Variants in PRR11 observed in about 807,000 individuals in gnomAD.
PRR11 encodes proline rich 11.
In PRR11, 30 loss-of-function variants were observed where a neutral mutation model predicts 45.6. That is an observed-to-expected ratio of 0.66 (90% confidence interval 0.49 to 0.89). The LOEUF (loss-of-function observed/expected upper bound fraction) is 0.89, where lower values mean the gene tolerates loss of function less well. PRR11 is among the 40% of genes least tolerant of loss of function. PRR11 has a pLI of 0.00. For missense variants in PRR11, 373 were observed against 424.8 expected (o/e 0.88, Z 1.07); for synonymous variants, 128 against 153.5 (o/e 0.83, Z 1.23).
rs1292457048 is a variant in PRR11, at chr17:59,205,918, G to A, written c.*4287G>A. Among the ~76,000 whole-genome samples the A allele has an allele frequency of 5.9e-5, 9 of 151,876 alleles. No individual in the cohort carries two copies. Among genetic ancestry groups the A allele is most frequent in the Non-Finnish European group, 8.8e-5 (6 of 67,990 alleles). ...ATATAAAAATTATCTGGGTGTGGTG[G>A]CATGTGCCTATAGTCTCAGCTTCTC... On this transcript the variant is annotated 3_prime_UTR_variant, in exon 10 of 10. Transcript: ENST00000262293.
chr17:59,190,406 A>AGG (rs2046835442), intron 4 of PRR11, among the ~76,000 whole-genome samples: 2 of 151,672 alleles, frequency 1.3e-5, no homozygotes, highest in South Asian at 4.2e-4. Flanking sequence ...CAGGAGGTGG[A>AGG]GGTTGCAGTG....
At chr17:59,179,989 G>C in intron 2 of PRR11, 1 of 1,089,318 alleles carries the variant, frequency 9.2e-7, no homozygotes, top group South Asian at 1.3e-5. Context: ...CAGACTGCTG[G>C]CTTCTCCAAG....
intron 5 of PRR11, 52 bp from the exon 6 acceptor site, chr17:59,194,705 C>A: frequency 1.4e-6 from 2 of 1,391,998 alleles, no homozygotes; most frequent in Non-Finnish European, 2.0e-6. Flanking sequence ...ATTTGCATTT[C>A]ACCAGTTGTG....
intron 1 of PRR11, among the ~76,000 whole-genome samples, chr17:59,158,204 C>T (rs1017588530): frequency 2.6e-5 from 4 of 151,976 alleles, no homozygotes; most frequent in African/African-American, 7.3e-5. Flanking sequence ...TTCTCCAAAA[C>T]GACTGACTTG....
Position 59,206,223 on chromosome 17 carries a change from G to A in PRR11, c.*4592G>A, listed in dbSNP as rs1240166378. On this transcript the variant is annotated 3_prime_UTR_variant, in exon 10 of 10. Transcript: ENST00000262293. ...CTCTACAAAAAACGAAAAATTAGCC[G>A]GGAGCGGTGATGTGTGCCTGTAGTC... Among the ~76,000 whole-genome samples, 7 of 152,110 alleles carry A rather than the reference G, an allele frequency of 4.6e-5. No individual in the cohort carries two copies. The highest frequency in any genetic ancestry group is 1.7e-4 in the African/African-American group (7 of 41,484).
chr17:59,189,860 A>G (rs2147852143), intron 4 of PRR11, among the ~76,000 whole-genome samples: 1 of 152,190 alleles, frequency 6.6e-6, no homozygotes, highest in South Asian at 2.1e-4. Context: ...TGGTCATGGC[A>G]TACACACCTA....
At chr17:59,178,998 GATTT>G (rs555179453) in intron 2 of PRR11, among the ~76,000 whole-genome samples, 2 of 152,048 alleles carry the variant, frequency 1.3e-5, no homozygotes, top group South Asian at 2.1e-4. Flanking sequence ...GTGATTTATT[GATTT>G]ATTTATTTAT....
Position 59,201,667 on chromosome 17 carries a change from A to G in PRR11, c.*36A>G. 7 of 1,601,564 alleles carry G rather than the reference A, an allele frequency of 4.4e-6. No individual in the cohort carries two copies. The highest frequency in any genetic ancestry group is 6.0e-6 in the Non-Finnish European group (7 of 1,169,544). ...GCCTCACTCCATGAGATGATCCATA[A>G]CAAATACAGATAAAAACACCCAGCT... On this transcript the variant is annotated 3_prime_UTR_variant, in exon 10 of 10. Coordinates refer to ENST00000262293, the MANE Select transcript of PRR11 (RefSeq NM_018304.4).
intron 2 of PRR11, among the ~76,000 whole-genome samples, chr17:59,172,949 T>C (rs1209401072): frequency 3.9e-5 from 6 of 152,214 alleles, no homozygotes; most frequent in Admixed American, 6.5e-5. Context: ...GCCCTCCCGG[T>C]GCGAGATCCA....
chr17:59,188,909 C>T (rs2046826883), intron 4 of PRR11, among the ~76,000 whole-genome samples: 1 of 150,884 alleles, frequency 6.6e-6, no homozygotes. Context: ...CACAGCACTC[C>T]AGCCTGGGCA....
In PRR11 at chr17:59,185,079, T is replaced by C. The variant is rs369763841; in HGVS notation, c.154T>C (p.Ser52Pro). The change falls in exon 3 of 10, where the codon TCT (serine) becomes CCT (proline). Residue 52 changes from serine (S) to proline (P), a missense_variant. Transcript: ENST00000262293. The part of the protein sequence containing the change: ...ERVGISSIDI[S>P]QSRSWLTSSW... Reference sequence around the variant, plus strand: ...AGTCGGTATTTCTTCAATAGATATATCTCAAAGCAGAAGCTGGCTAACATC... The same window carrying C: ...AGTCGGTATTTCTTCAATAGATATACCTCAAAGCAGAAGCTGGCTAACATC... 1 of 1,613,266 alleles carries C rather than the reference T, an allele frequency of 6.2e-7. No individual in the cohort carries two copies. Among genetic ancestry groups the C allele is most frequent in the African/African-American group, 1.3e-5 (1 of 74,896 alleles).
At chr17:59,197,129 G>A (rs538683391) in intron 7 of PRR11, among the ~76,000 whole-genome samples, 1 of 152,152 alleles carries the variant, frequency 6.6e-6, no homozygotes, top group South Asian at 2.1e-4. Context: ...TCACAGGCGT[G>A]AGCCACCGCA....
intron 2 of PRR11, chr17:59,175,068 A>T: frequency 1.7e-6 from 1 of 589,928 alleles, no homozygotes. Flanking sequence ...CCCGTACAGG[A>T]AGTAGAAAAT....
intron 2 of PRR11, chr17:59,178,380 G>A: frequency 2.2e-6 from 1 of 451,498 alleles, no homozygotes; most frequent in South Asian, 1.7e-5. Flanking sequence ...AGTGCTGGAG[G>A]GAGAGAAGAG....
At chr17:59,177,225 A>G in intron 2 of PRR11, 2 of 547,172 alleles carry the variant, frequency 3.7e-6, no homozygotes, top group South Asian at 2.8e-5. Context: ...CGGCGCGGCT[A>G]AAATATGCTA....
intron 4 of PRR11, among the ~76,000 whole-genome samples, chr17:59,190,606 C>T (rs561006853): frequency 8.5e-5 from 13 of 152,306 alleles, no homozygotes; most frequent in East Asian, 3.9e-4. Flanking sequence ...CAGGGCAATC[C>T]GGCTTAAGCC....
chr17:59,170,306 A>AT (rs1370864395), intron 2 of PRR11, among the ~76,000 whole-genome samples: 4 of 152,002 alleles, frequency 2.6e-5, no homozygotes, highest in African/African-American at 9.7e-5. Context: ...ACAATGAATA[A>AT]TTTTTTCATA....
intron 5 of PRR11, 62 bp downstream of exon 5, chr17:59,193,796 T>G (rs951429572): frequency 6.5e-7 from 1 of 1,546,232 alleles, no homozygotes; most frequent in African/African-American, 1.4e-5. Flanking sequence ...AATATAGGAG[T>G]AAAGCCAAGT....
At chr17:59,197,353 G>A (rs924421096) in intron 7 of PRR11, among the ~76,000 whole-genome samples, 191 bp from the exon 8 acceptor site, 4 of 148,268 alleles carry the variant, frequency 2.7e-5, no homozygotes, top group African/African-American at 7.5e-5. Flanking sequence ...CCGGGTTCAC[G>A]CCATTCTTCT....
Sources: gnomAD v4.1 joint callset for allele counts (sites outside exome capture counted in the v4.1 genomes callset) on GRCh38, gnomAD v4.1.1 for gene constraint, MANE v1.5 for transcripts, NCBI Gene and HGNC (gene_info 2026-07-23, HGNC 2026-07-21) for gene names.